The following PRKCQ variants were observed in gnomAD, a reference collection of about 807,000 sequenced individuals.
The protein encoded by PRKCQ is protein kinase C theta type.
A neutral mutation model predicts 91.2 loss-of-function variants in PRKCQ; 41 were observed. That is an observed-to-expected ratio of 0.45 (90% CI 0.35 to 0.58). The LOEUF (loss-of-function observed/expected upper bound fraction) is 0.58. PRKCQ is among the 20% of genes least tolerant of loss of function. The pLI, the probability that PRKCQ is intolerant of heterozygous loss-of-function variation, is 0.00. For synonymous variants in PRKCQ, 307 were observed against 316.9 expected (o/e 0.97, Z 0.33); for missense variants, 673 against 896.5 (o/e 0.75, Z 3.18).
chr10:6,517,658 C>T (rs1178768621), intron 1 of PRKCQ, among the ~76,000 whole-genome samples: 1 of 119,226 alleles, frequency 8.4e-6, no homozygotes, highest in East Asian at 2.8e-4. Context: ...CTGCATCAGA[C>T]TGGATCACCA....
At chr10:6,552,573 C>G (rs887091547) in intron 1 of PRKCQ, among the ~76,000 whole-genome samples, 1 of 151,898 alleles carries the variant, frequency 6.6e-6, no homozygotes, top group Non-Finnish European at 1.5e-5. Context: ...TCAAGTGATC[C>G]TCCCCTTCAG....
chr10:6,479,136 AT>A lies in PRKCQ; in HGVS notation c.1208del (p.Asn403IlefsTer6). ...KVFLAEFKKT[N>X]QFFAIKALKK... ...TTAAGGCCTTTATTGCGAAAAATTGATTGGTTTTCTTGAATTCTGCCAGGAA... is the reference window on the plus strand; with the variant it reads ...TTAAGGCCTTTATTGCGAAAAATTGATGGTTTTCTTGAATTCTGCCAGGAA... On this transcript the variant is annotated frameshift_variant, in exon 12 of 18. Transcript: ENST00000263125. LOFTEE classifies it high-confidence loss of function. 1 of 1,614,146 alleles carries A rather than the reference AT, an allele frequency of 6.2e-7. No individual in the cohort carries two copies. Among genetic ancestry groups the A allele is most frequent in the Non-Finnish European group, 8.5e-7 (1 of 1,180,024 alleles).
chr10:6,554,715 T>C (rs542729867), intron 1 of PRKCQ, among the ~76,000 whole-genome samples: 3 of 152,340 alleles, frequency 2.0e-5, no homozygotes, highest in African/African-American at 7.2e-5. Flanking sequence ...GGGAAGATAA[T>C]TCATTTCCAT....
intron 1 of PRKCQ, among the ~76,000 whole-genome samples, chr10:6,518,634 C>A (rs1838868691): frequency 6.6e-6 from 1 of 152,026 alleles, no homozygotes; most frequent in East Asian, 1.9e-4. Context: ...CCATCCTGGC[C>A]AACATGGTGA....
At chr10:6,489,684 C>T (rs1395163137) in intron 8 of PRKCQ, among the ~76,000 whole-genome samples, 1 of 147,314 alleles carries the variant, frequency 6.8e-6, no homozygotes, top group Non-Finnish European at 1.5e-5. Context: ...GTGTCAGAAG[C>T]AAGAATGGAA....
intron 1 of PRKCQ, among the ~76,000 whole-genome samples, chr10:6,531,216 T>C (rs1381299400): frequency 6.6e-6 from 1 of 151,882 alleles, no homozygotes; most frequent in Non-Finnish European, 1.5e-5. Context: ...CATATTGAAG[T>C]TCGCAAAGCT....
chr10:6,550,281 CTT>C (rs1040388854), intron 1 of PRKCQ, among the ~76,000 whole-genome samples: 1 of 151,976 alleles, frequency 6.6e-6, no homozygotes, highest in African/African-American at 2.4e-5. Flanking sequence ...TCCCATTGCA[CTT>C]TTTTTTCTGA....
intron 1 of PRKCQ, among the ~76,000 whole-genome samples, chr10:6,574,702 T>C (rs540979654): frequency 6.6e-6 from 1 of 152,262 alleles, no homozygotes; most frequent in Admixed American, 6.5e-5. Context: ...ATATGGCAAA[T>C]TAGGATGGGG....
Position 6,465,022 on chromosome 10 carries a change from G to A in PRKCQ, c.1354-618C>T, listed in dbSNP as rs1835571517. On this transcript the variant is annotated intron_variant, in intron 12 of 17. Transcript: ENST00000263125. This position sits in a 1 kb window ranked among gnomAD's most constrained non-coding sequence, Gnocchi z 4.4. ...TGACCTGCTGGCCAGACAATGGGATGGTGCCAGGCACTTAGGGCACTTAGC... is the reference window on the plus strand; with the variant it reads ...TGACCTGCTGGCCAGACAATGGGATAGTGCCAGGCACTTAGGGCACTTAGC... Among the ~76,000 whole-genome samples, 5 of 152,118 alleles carry A rather than the reference G, an allele frequency of 3.3e-5. No individual in the cohort carries two copies. Among genetic ancestry groups the A allele is most frequent in the Admixed American group, 3.3e-4 (5 of 15,276 alleles).
At chr10:6,474,814 T>G (rs1339837672) in intron 12 of PRKCQ, among the ~76,000 whole-genome samples, 1 of 152,212 alleles carries the variant, frequency 6.6e-6, no homozygotes, top group African/African-American at 2.4e-5. Flanking sequence ...ATTTTTTTAC[T>G]TTTTAAAATG....
chr10:6,557,827 T>C (rs1840478635), intron 1 of PRKCQ, among the ~76,000 whole-genome samples: 1 of 152,222 alleles, frequency 6.6e-6, no homozygotes, highest in African/African-American at 2.4e-5. Flanking sequence ...AATTACCACT[T>C]ACTGAGTCTT....
chr10:6,457,799 A>G (rs1192282062), intron 14 of PRKCQ, among the ~76,000 whole-genome samples: 7 of 152,176 alleles, frequency 4.6e-5, no homozygotes, highest in Non-Finnish European at 1.0e-4. Context: ...TCATCACAGT[A>G]ATGCCCAATA....
chr10:6,417,093 T>A, the PRKCQ span, among the ~76,000 whole-genome samples: 1 of 152,238 alleles, frequency 6.6e-6, no homozygotes, highest in African/African-American at 2.4e-5. Flanking sequence ...CCTCACCATA[T>A]AACCAATGTT....
chr10:6,444,381 A>G (rs1435161649), intron 15 of PRKCQ, among the ~76,000 whole-genome samples: 1 of 152,148 alleles, frequency 6.6e-6, no homozygotes, highest in Non-Finnish European at 1.5e-5. Flanking sequence ...ACTGAACTGT[A>G]CACAAAAATA....
the PRKCQ span, among the ~76,000 whole-genome samples, chr10:6,409,503 C>A: frequency 6.6e-6 from 1 of 152,054 alleles, no homozygotes; most frequent in Non-Finnish European, 1.5e-5. Flanking sequence ...CCAAGTTGGC[C>A]AGGCTGGTCT....
chr10:6,566,295 T>C lies in PRKCQ; in HGVS notation c.-10+13916A>G, dbSNP rs566750085. 5.8e-4 allele frequency among the ~76,000 whole-genome samples: 19 copies of C among 32,540 alleles called. No homozygotes were observed. The East Asian group carries it at 0.038, about 65-fold the overall frequency. The allele number at this position is 32,540 out of a possible 152,430, so 21.3% of individuals were successfully genotyped here. On this transcript the variant is annotated intron_variant, in intron 1 of 17. Coordinates refer to ENST00000263125, the MANE Select transcript of PRKCQ (RefSeq NM_006257.5). ...CCACCAGTGGTTGCATTCTCTGACC[T>C]ACACTGGCTGTTCTGCAGTGGTTAT...
At chr10:6,473,106 A>C (rs1387815851) in intron 12 of PRKCQ, among the ~76,000 whole-genome samples, 1 of 152,172 alleles carries the variant, frequency 6.6e-6, no homozygotes, top group African/African-American at 2.4e-5. Flanking sequence ...AAAACCCATG[A>C]CTATAGCACA....
chr10:6,479,793 A>AGT lies in PRKCQ; in HGVS notation c.1180-629_1180-628insAC, dbSNP rs1836487882. Among the ~76,000 whole-genome samples, 359 of 148,618 alleles carry AGT rather than the reference A, an allele frequency of 2.4e-3. 26 individuals are homozygous for AGT. Among genetic ancestry groups the AGT allele is most frequent in the Admixed American group, 0.022 (327 of 14,660 alleles). On this transcript the variant is annotated intron_variant, in intron 11 of 17. Coordinates refer to ENST00000263125, the MANE Select transcript of PRKCQ (RefSeq NM_006257.5). ...AAAAAAAAAAAAAAAAAAAAAAAAA[A>AGT]AATCCAAAAATTAGCCGGGCATGGT...
intron 15 of PRKCQ, among the ~76,000 whole-genome samples, chr10:6,444,348 C>T (rs1490052810): frequency 2.0e-5 from 3 of 151,862 alleles, no homozygotes; most frequent in African/African-American, 7.3e-5. Context: ...GGATTAACCG[C>T]ACCTGGCACT....
Sources: gnomAD v4.1 joint callset for allele counts (sites outside exome capture counted in the v4.1 genomes callset) on GRCh38, gnomAD v4.1.1 for gene constraint, Gnocchi (gnomAD v3.1) non-coding constraint, MANE v1.5 for transcripts, NCBI Gene and HGNC (gene_info 2026-07-23, HGNC 2026-07-21) for gene names.